Variants in CRTC1 observed in about 807,000 individuals in gnomAD.
The protein encoded by CRTC1 is CREB-regulated transcription coactivator 1.
Under a neutral mutation model 66.1 loss-of-function variants are expected in CRTC1, and 18 were observed. That is an observed-to-expected ratio of 0.27 (90% CI 0.19 to 0.40). CRTC1 has a LOEUF of 0.40. Among genes scored for constraint, CRTC1 ranks in the 10% least tolerant of loss-of-function variants. The pLI, the probability that CRTC1 is intolerant of heterozygous loss-of-function variation, is 1.00. For synonymous variants in CRTC1, 416 were observed against 398.8 expected, an observed-to-expected ratio of 1.04 and a Z score of -0.51; for missense variants, 669 against 887.9, an observed-to-expected ratio of 0.75 and a Z score of 3.13.
intron 1 of CRTC1, among the ~76,000 whole-genome samples, chr19:18,687,032 T>C (rs1391295879): frequency 6.7e-6 from 1 of 149,184 alleles, no homozygotes; most frequent in Non-Finnish European, 1.5e-5. Context: ...TTTTTTTTTT[T>C]TGAGATAGAC....
rs553271420 is a variant in CRTC1 at position 18,762,031 on chromosome 19, C to T, written c.886+1803C>T. ...CTCCAGATAGACAGGGCCAGGCAGG[C>T]GGCATCCACACGCACCTGCGCAGAA... On this transcript the variant is annotated intron_variant, in intron 8 of 13. Coordinates refer to ENST00000321949, the MANE Select transcript of CRTC1 (RefSeq NM_015321.3). Among the ~76,000 whole-genome samples the T allele has an allele frequency of 5.3e-5, 8 of 152,312 alleles. No individual in the cohort carries two copies. In the East Asian group the frequency reaches 1.5e-3, roughly 29 times the overall value.
rs2055096129 is a variant in CRTC1, at chr19:18,781,205, T to TGGTG, written c.*3824_*3827dup. The TGGTG allele has an allele frequency of 1.3e-5, 3 of 226,640 alleles. No individual in the cohort carries two copies. Among genetic ancestry groups the TGGTG allele is most frequent in the Non-Finnish European group, 1.8e-5 (2 of 114,000 alleles). The allele number at this position is 226,640 out of a possible 1,614,324, so 14.0% of individuals were successfully genotyped here. A position where few individuals can be genotyped will look rare whatever the true frequency, so the allele number is the denominator to read the frequency against. ...CTGGGCCTGGCCCGTCACCCACATG[T>TGGTG]GGTGCCCTGGGCCAGGGCGTGCGGG... On this transcript the variant is annotated 3_prime_UTR_variant, in exon 14 of 14. Transcript: ENST00000321949.
chr19:18,747,879 C>A (rs947452485), intron 4 of CRTC1, among the ~76,000 whole-genome samples: 4 of 152,106 alleles, frequency 2.6e-5, no homozygotes, highest in African/African-American at 9.7e-5. Flanking sequence ...GAGTTGAAGA[C>A]CAGCCTGAAC....
chr19:18,743,399 C>T (rs145123285), intron 2 of CRTC1, among the ~76,000 whole-genome samples: 18 of 152,386 alleles, frequency 1.2e-4, no homozygotes, highest in African/African-American at 4.1e-4. Flanking sequence ...CGGCCTGACC[C>T]CACTTGTCTG....
Position 18,778,458 on chromosome 19 carries a change from A to G in CRTC1, c.*1076A>G. 1 of 231,994 alleles carries G rather than the reference A, an allele frequency of 4.3e-6. No individual in the cohort carries two copies. Among genetic ancestry groups the G allele is most frequent in the Non-Finnish European group, 8.5e-6 (1 of 117,256 alleles). The allele number at this position is 231,994 out of a possible 1,614,324, so 14.4% of individuals were successfully genotyped here. ...TGCGCCCCAAAGCAGCCCGCCACCC[A>G]CCTGAGTGTAAGAAGTGAGTCCGGC... On this transcript the variant is annotated 3_prime_UTR_variant, in exon 14 of 14. Coordinates refer to ENST00000321949, the MANE Select transcript of CRTC1 (RefSeq NM_015321.3).
At position 18,775,621 on chromosome 19, in the gene CRTC1, T is replaced by C. The variant is rs12609934; in HGVS notation, c.1513-20T>C. 0.17 allele frequency: 255,736 copies of C among 1,545,874 alleles called. 23,030 individuals are homozygous for C. The highest frequency in any genetic ancestry group is 0.36 in the African/African-American group (26,477 of 72,984). On this transcript the variant is annotated intron_variant, in intron 12 of 13. Transcript: ENST00000321949. ...CAGGCCCGCGGTGGCCCTCACAGCC[T>C]GGTGTGCCTCCCTTCCCAGCTGGAG... is the stretch of plus-strand genomic sequence containing the variant.
chr19:18,781,054 GC>G lies in CRTC1; in HGVS notation c.*3673del, dbSNP rs1199856554. 1 of 227,836 alleles carries G rather than the reference GC, an allele frequency of 4.4e-6. No individual in the cohort carries two copies. The highest frequency in any genetic ancestry group is 6.3e-5 in the East Asian group (1 of 15,946). 14.1% of individuals were successfully genotyped at this position (227,836 alleles called of 1,614,324 possible). On this transcript the variant is annotated 3_prime_UTR_variant, in exon 14 of 14. Coordinates refer to ENST00000321949, the MANE Select transcript of CRTC1 (RefSeq NM_015321.3). ...CCTCTGTCACCTCGCCCTGAAAACA[GC>G]AGCTCCCATCACCTTCACTGGGTCC...
At chr19:18,761,446 C>T (rs2054612767) in intron 8 of CRTC1, among the ~76,000 whole-genome samples, 1 of 152,210 alleles carries the variant, frequency 6.6e-6, no homozygotes, top group Non-Finnish European at 1.5e-5. Context: ...TGTGCTCTGT[C>T]TTGCCCCAGA....
Position 18,777,194 on chromosome 19 carries a change from C to T in CRTC1, c.1717C>T (p.Leu573Phe). The T allele has an allele frequency of 1.2e-6, 2 of 1,606,810 alleles. No individual in the cohort carries two copies. Among genetic ancestry groups the T allele is most frequent in the Non-Finnish European group, 8.5e-7 (1 of 1,177,026 alleles). Residue 573 changes from leucine to phenylalanine, a missense_variant, in exon 14 of 14, where the codon CTC (leucine) becomes TTC (phenylalanine). Leu to Phe is a conservative substitution (Grantham distance 22). Coordinates refer to ENST00000321949, the MANE Select transcript of CRTC1 (RefSeq NM_015321.3). This position sits in a 1 kb window ranked among gnomAD's most constrained non-coding sequence, Gnocchi z 5.5. Reference sequence around the variant, plus strand: ...AGTGACAGGAGAGTCCCCCCCCAGCCTCTCTAAAGAACTGACCAGCTCTCT... The same window carrying T: ...AGTGACAGGAGAGTCCCCCCCCAGCTTCTCTAAAGAACTGACCAGCTCTCT... ...LTVTGESPPS[L>F]SKELTSSLAG...
chr19:18,709,706 G>A lies in CRTC1; in HGVS notation c.126+25878G>A, dbSNP rs1023094913. Among the ~76,000 whole-genome samples the A allele has an allele frequency of 3.3e-5, 5 of 152,270 alleles. No individual in the cohort carries two copies. In the South Asian group the frequency reaches 8.3e-4, roughly 25 times the overall value. On this transcript the variant is annotated intron_variant, in intron 1 of 13. Transcript: ENST00000321949. ...GGGAGATGGGTCCCGTCTGCCCTGG[G>A]CGGGCTTCCTCATGCTGGGACCCCA... is the stretch of plus-strand genomic sequence containing the variant.
intron 1 of CRTC1, among the ~76,000 whole-genome samples, chr19:18,719,395 G>A (rs921162903): frequency 2.0e-5 from 3 of 152,202 alleles, no homozygotes; most frequent in Non-Finnish European, 4.4e-5. Flanking sequence ...CCTGGGTGAA[G>A]CCTTTGGGAC....
chr19:18,753,626 C>A, intron 6 of CRTC1, 41 bp downstream of exon 6: 1 of 1,484,920 alleles, frequency 6.7e-7, no homozygotes, highest in Non-Finnish European at 9.3e-7. Context: ...TTTCTTCTTT[C>A]TCTTCTCAAG....
chr19:18,777,418 G>A lies in CRTC1; in HGVS notation c.*36G>A. ...CGGCACCCTGCCGCTCAGCCGTCCC[G>A]ACGGCGCCTCCCCAGCCCGGGGACG... On this transcript the variant is annotated 3_prime_UTR_variant, in exon 14 of 14. Transcript: ENST00000321949. This position sits in a 1 kb window ranked among gnomAD's most constrained non-coding sequence, Gnocchi z 5.5. 4.4e-6 allele frequency: 7 copies of A among 1,576,130 alleles called. No homozygotes were observed. Among genetic ancestry groups the A allele is most frequent in the African/African-American group, 2.7e-5 (2 of 74,478 alleles).
At chr19:18,764,884 G>A (rs2054694481) in intron 8 of CRTC1, among the ~76,000 whole-genome samples, 1 of 152,214 alleles carries the variant, frequency 6.6e-6, no homozygotes, top group African/African-American at 2.4e-5. Context: ...GCATTGGGCA[G>A]GGCCTGCTGG....
intron 13 of CRTC1, among the ~76,000 whole-genome samples, chr19:18,776,481 G>T (rs1379050945): frequency 6.6e-6 from 1 of 152,218 alleles, no homozygotes; most frequent in African/African-American, 2.4e-5. Context: ...TTCCAGGCTG[G>T]AAGTGTCCGT....
chr19:18,759,507 CAG>C (rs772355143), intron 6 of CRTC1, 42 bp from the exon 7 acceptor site: 2 of 1,601,806 alleles, frequency 1.2e-6, no homozygotes, highest in East Asian at 4.5e-5. Context: ...GAGGGCCCCA[CAG>C]GGTGTGCCCC....
chr19:18,773,831 A>G (rs1001859789), intron 11 of CRTC1, among the ~76,000 whole-genome samples: 1 of 151,900 alleles, frequency 6.6e-6, no homozygotes, highest in Non-Finnish European at 1.5e-5. Context: ...CCCACTGACC[A>G]CCAGGAGCAA....
chr19:18,774,850 C>T (rs775651038), intron 11 of CRTC1, 50 bp from the exon 12 acceptor site: 13 of 1,588,300 alleles, frequency 8.2e-6, no homozygotes, highest in South Asian at 3.3e-5. Context: ...GTGCCGACTT[C>T]CCACCTGGCC....
At position 18,777,008 on chromosome 19, in the gene CRTC1, A is replaced by C. The variant is rs1031769823; in HGVS notation, c.1694-163A>C. ...ACTGTAGGGTGCTGAGCAGCATCTC[A>C]TGTGCTGGCCCCTCCCCCAGTCATG... On this transcript the variant is annotated intron_variant, in intron 13 of 13. Coordinates refer to ENST00000321949, the MANE Select transcript of CRTC1 (RefSeq NM_015321.3). The surrounding 1 kb of genome is among the most constrained non-coding windows in gnomAD (Gnocchi z 5.5). Among the ~76,000 whole-genome samples, 2 of 152,138 alleles carry C rather than the reference A, an allele frequency of 1.3e-5. No homozygotes were observed. The highest frequency in any genetic ancestry group is 4.8e-5 in the African/African-American group (2 of 41,514).
Sources: allele counts gnomAD v4.1 joint callset (sites outside exome capture counted in the v4.1 genomes callset), GRCh38; gene constraint gnomAD v4.1.1; non-coding constraint Gnocchi (gnomAD v3.1); transcripts MANE v1.5; gene names NCBI Gene and HGNC (gene_info 2026-07-23, HGNC 2026-07-21).